COL4A2: variants seen among roughly 807,000 people sequenced by gnomAD.
COL4A2 encodes collagen alpha-2(IV) chain.
COL4A2 carries 99 observed loss-of-function variants against 200.2 expected under a neutral mutation model. The ratio of observed to expected loss-of-function variants is 0.49; its 90% CI spans 0.42 to 0.58. COL4A2 has a LOEUF of 0.58. Ranked by LOEUF, COL4A2 falls within the 20% of genes least tolerant of loss-of-function variation. COL4A2 has a pLI of 0.00. For missense variants in COL4A2, 1,950 were observed against 2,314.1 expected, an observed-to-expected ratio of 0.84 and a Z score of 3.23; for synonymous variants, 897 against 900.6, an observed-to-expected ratio of 1.00 and a Z score of 0.07.
At chr13:110,336,899 A>G (rs1420929789) in intron 3 of COL4A2, among the ~76,000 whole-genome samples, 1 of 152,134 alleles carries the variant, frequency 6.6e-6, no homozygotes, top group Non-Finnish European at 1.5e-5. Flanking sequence ...CATCCTCTGG[A>G]CAACATCCAT....
At chr13:110,377,154 T>G (rs1211143542) in intron 4 of COL4A2, among the ~76,000 whole-genome samples, 1 of 152,084 alleles carries the variant, frequency 6.6e-6, no homozygotes, top group African/African-American at 2.4e-5. Context: ...TGGGGAGACT[T>G]GCTTATACCA....
chr13:110,361,469 C>T (rs545301694), intron 4 of COL4A2, among the ~76,000 whole-genome samples: 1 of 152,318 alleles, frequency 6.6e-6, no homozygotes, highest in African/African-American at 2.4e-5. Flanking sequence ...TGCAGACTCG[C>T]CACACCCCAG....
intron 4 of COL4A2, among the ~76,000 whole-genome samples, chr13:110,374,252 A>C (rs897213427): frequency 6.6e-6 from 1 of 152,142 alleles, no homozygotes; most frequent in African/African-American, 2.4e-5. Flanking sequence ...TTTTACAAGG[A>C]GGAAATTAAT....
intron 4 of COL4A2, among the ~76,000 whole-genome samples, chr13:110,369,494 C>T (rs1052984640): frequency 3.9e-5 from 6 of 152,270 alleles, no homozygotes; most frequent in Non-Finnish European, 7.4e-5. Flanking sequence ...AGCACTCACC[C>T]TCTGATGAGC....
At chr13:110,448,704 G>A (rs1594219717) in intron 18 of COL4A2, among the ~76,000 whole-genome samples, 2 of 128,828 alleles carry the variant, frequency 1.6e-5, no homozygotes, top group South Asian at 5.3e-4. Context: ...TCAATTTTGT[G>A]TCTTTTTATG....
chr13:110,313,540 C>CTGGGTTCCAGCCCCTCCCCTGTCT (rs1566467379), intron 3 of COL4A2, among the ~76,000 whole-genome samples: 1 of 135,274 alleles, frequency 7.4e-6, no homozygotes, highest in African/African-American at 2.7e-5. Flanking sequence ...CACCCCGGTG[C>CTGGGTTCCAGCCCCTCCCCTGTCT]CCCGCGTCCA....
intron 4 of COL4A2, among the ~76,000 whole-genome samples, chr13:110,403,229 C>G (rs1358634866): frequency 6.6e-6 from 1 of 152,188 alleles, no homozygotes; most frequent in African/African-American, 2.4e-5. Flanking sequence ...CCTGGACAGT[C>G]TAAGAATTTT....
At chr13:110,472,167 G>C (rs1010054406) in intron 28 of COL4A2, among the ~76,000 whole-genome samples, 2 of 108,310 alleles carry the variant, frequency 1.8e-5, no homozygotes, top group Non-Finnish European at 3.9e-5. Context: ...CCAGGCTGGA[G>C]TGCAGTGGTG....
rs760378571 is a variant in COL4A2 at position 110,307,866 on chromosome 13, T to C, written c.-38T>C. On this transcript the variant is annotated 5_prime_UTR_variant, in exon 2 of 48. Transcript: ENST00000360467. The surrounding 1 kb of genome is among the most constrained non-coding windows in gnomAD (Gnocchi z 5.0). ...CTTTGTCTGTCGCCTCTAGGCTAAG[T>C]GGGACTGACCGGGGCCCAGAGTGGA... 2.5e-6 allele frequency: 4 copies of C among 1,603,110 alleles called. No homozygotes were observed. The East Asian group carries it at 8.9e-5, about 36-fold the overall frequency.
chr13:110,398,748 A>G (rs75216990), intron 4 of COL4A2, among the ~76,000 whole-genome samples: 2,938 of 152,264 alleles, frequency 0.019, 47 homozygotes, highest in Middle Eastern at 0.068. Context: ...AAAGAATCAA[A>G]TAACAAAAAG....
At chr13:110,491,420 A>G (rs1309247115) in intron 37 of COL4A2, 80 bp downstream of exon 37, 13 of 929,786 alleles carry the variant, frequency 1.4e-5, no homozygotes, top group Non-Finnish European at 2.1e-5. Context: ...AACATTGTCA[A>G]TTTCCTCCAA....
At chr13:110,470,189 G>T (rs1425807115) in intron 28 of COL4A2, among the ~76,000 whole-genome samples, 5 of 152,106 alleles carry the variant, frequency 3.3e-5, no homozygotes, top group Admixed American at 6.5e-5. Context: ...GTGCTGGGAT[G>T]ACAGGCGTGA....
chr13:110,472,626 C>T (rs1236156144), intron 28 of COL4A2, among the ~76,000 whole-genome samples: 1 of 152,080 alleles, frequency 6.6e-6, no homozygotes, highest in Non-Finnish European at 1.5e-5. Flanking sequence ...ATTTGCAAAG[C>T]AGGGGAACCC....
chr13:110,492,158 G>A lies in COL4A2; in HGVS notation c.3543G>A (p.Pro1181=), dbSNP rs906118382. The A allele has an allele frequency of 1.7e-5, 27 of 1,552,584 alleles. No individual in the cohort carries two copies. The highest frequency in any genetic ancestry group is 2.4e-5 in the South Asian group (2 of 84,120). ...LPGGKGDDGW[P]GAPGLPGFPG... ...GTGGCAAAGGAGATGATGGCTGGCC[G>A]GGAGCTCCGGGCTTACCAGGTAAGG... is the stretch of plus-strand genomic sequence containing the variant. Residue 1181 remains proline (P), a synonymous_variant, in exon 38 of 48, where the codon CCG becomes CCA. Coordinates refer to ENST00000360467, the MANE Select transcript of COL4A2 (RefSeq NM_001846.4).
chr13:110,405,601 C>G (rs1171125370), intron 4 of COL4A2, among the ~76,000 whole-genome samples: 1 of 152,234 alleles, frequency 6.6e-6, no homozygotes, highest in Non-Finnish European at 1.5e-5. Flanking sequence ...GCAGTCAGGG[C>G]CCAGTCACCT....
At chr13:110,492,045 G>T (rs1290887831) in intron 37 of COL4A2, 25 bp from the exon 38 acceptor site, 1 of 1,546,870 alleles carries the variant, frequency 6.5e-7, no homozygotes, top group Non-Finnish European at 8.7e-7. Context: ...TGTGTGCTCA[G>T]ACTTAATGCT....
At chr13:110,492,627 G>T (rs900163776) in intron 38 of COL4A2, among the ~76,000 whole-genome samples, 1 of 152,202 alleles carries the variant, frequency 6.6e-6, no homozygotes, top group African/African-American at 2.4e-5. Context: ...GCTGTGTCCT[G>T]CTTTAGAAAT....
intron 16 of COL4A2, among the ~76,000 whole-genome samples, chr13:110,442,641 G>C (rs914631287): frequency 8.5e-5 from 13 of 152,218 alleles, no homozygotes; most frequent in African/African-American, 3.1e-4. Context: ...TCCCCACTGA[G>C]ATTGTCAGAA....
At position 110,490,964 on chromosome 13, in the gene COL4A2, A is replaced by G. The variant is rs1192119027; in HGVS notation, c.3347-269A>G. Among the ~76,000 whole-genome samples the G allele has an allele frequency of 2.6e-5, 4 of 152,206 alleles. No individual in the cohort carries two copies. In the East Asian group the frequency reaches 7.7e-4, roughly 29 times the overall value. On this transcript the variant is annotated intron_variant, in intron 36 of 47. Coordinates refer to ENST00000360467, the MANE Select transcript of COL4A2 (RefSeq NM_001846.4). ...GGTCCCACAATGGAAGGGTGGGGCC[A>G]GCTGTACCCATCATCCCTGGGGGTG...
Sources: allele counts gnomAD v4.1 joint callset (sites outside exome capture counted in the v4.1 genomes callset), GRCh38; gene constraint gnomAD v4.1.1; non-coding constraint Gnocchi (gnomAD v3.1); transcripts MANE v1.5; gene names NCBI Gene and HGNC (gene_info 2026-07-23, HGNC 2026-07-21).